The following SMYD1 variants were observed in gnomAD, a reference collection of about 807,000 sequenced individuals.
The protein encoded by SMYD1 is SET and MYND domain containing 1, also known as histone-lysine N-methyltransferase SMYD1.
Under a neutral mutation model 54.0 loss-of-function variants are expected in SMYD1, and 49 were observed. The ratio of observed to expected loss-of-function variants is 0.91; its 90% confidence interval spans 0.72 to 1.15. The LOEUF is 1.15. SMYD1 is among the 50% of genes most tolerant of loss of function. The pLI is 0.00. For synonymous variants in SMYD1, 269 were observed against 234.2 expected (o/e 1.15, Z -1.36); for missense variants, 653 against 639.6 (o/e 1.02, Z -0.23).
chr2:88,103,784 G>A (rs923310929), intron 7 of SMYD1, among the ~76,000 whole-genome samples: 2 of 151,998 alleles, frequency 1.3e-5, no homozygotes, highest in Non-Finnish European at 2.9e-5. Context: ...ATTAACCTGG[G>A]CAGCTTATTG....
chr2:88,107,519 C>T (rs892627266), intron 8 of SMYD1, among the ~76,000 whole-genome samples: 1 of 152,224 alleles, frequency 6.6e-6, no homozygotes, highest in Non-Finnish European at 1.5e-5. Flanking sequence ...CTGTGAGCTT[C>T]CTGTGCTCAA....
At chr2:88,097,148 G>A (rs1674608495) in intron 6 of SMYD1, among the ~76,000 whole-genome samples, 1 of 152,224 alleles carries the variant, frequency 6.6e-6, no homozygotes, top group Non-Finnish European at 1.5e-5. Flanking sequence ...TTTATGAGTT[G>A]AGTGATGTTG....
intron 2 of SMYD1, among the ~76,000 whole-genome samples, chr2:88,087,545 C>T (rs1299077283): frequency 1.3e-5 from 2 of 152,170 alleles, no homozygotes; most frequent in Admixed American, 1.3e-4. Flanking sequence ...CCAGCTCCTC[C>T]ACCCCTTCCA....
chr2:88,079,967 A>G (rs1044232398), intron 1 of SMYD1, among the ~76,000 whole-genome samples: 1 of 152,236 alleles, frequency 6.6e-6, no homozygotes, highest in African/African-American at 2.4e-5. Context: ...TCTTGGGTAA[A>G]CCTCATTTTA....
At chr2:88,091,318 G>A (rs748240546) in intron 4 of SMYD1, among the ~76,000 whole-genome samples, 176 bp downstream of exon 4, 1 of 152,198 alleles carries the variant, frequency 6.6e-6, no homozygotes, top group Non-Finnish European at 1.5e-5. Flanking sequence ...AGGCATCATG[G>A]AGGATATCAA....
In SMYD1 at chr2:88,099,533, G is replaced by A. The variant is rs549273865; in HGVS notation, c.888+2749G>A. Among the ~76,000 whole-genome samples, 15 of 152,092 alleles carry A rather than the reference G, an allele frequency of 9.9e-5. No individual in the cohort carries two copies. The East Asian group carries it at 1.8e-3, about 18-fold the overall frequency. On this transcript the variant is annotated intron_variant, in intron 6 of 9. Coordinates refer to ENST00000419482, the MANE Select transcript of SMYD1 (RefSeq NM_198274.4). ...AGGTCAGGAGTTCGATACCAGCCTG[G>A]ACAATATGGTGAAACCCCATCTCTA... is the stretch of plus-strand genomic sequence containing the variant.
rs753740540 is a variant in SMYD1 at position 88,087,974 on chromosome 2, G to A, written c.427G>A (p.Glu143Lys). The A allele has an allele frequency of 1.2e-6, 2 of 1,614,182 alleles. No individual in the cohort carries two copies. Among genetic ancestry groups the A allele is most frequent in the South Asian group, 1.1e-5 (1 of 91,072 alleles). The change falls in exon 3 of 10, where the codon GAG becomes AAG. Residue 143 changes from glutamate to lysine, a missense_variant. Physicochemically the swap from Glu to Lys is moderately conservative, Grantham distance 56. Transcript: ENST00000419482. The part of the protein sequence containing the change: ...QNHVEHFGEE[E>K]QKDLRVDVDT... Reference sequence around the variant, plus strand: ...CCACGTGGAGCACTTTGGGGAGGAGGAGCAGAAGGACCTGCGGGTGGACGT... The same window carrying A: ...CCACGTGGAGCACTTTGGGGAGGAGAAGCAGAAGGACCTGCGGGTGGACGT...
At chr2:88,084,069 C>T (rs1674261157) in intron 1 of SMYD1, among the ~76,000 whole-genome samples, 1 of 151,918 alleles carries the variant, frequency 6.6e-6, no homozygotes, top group East Asian at 1.9e-4. Context: ...GAGATCGTGC[C>T]ATTGCACTTT....
At chr2:88,092,180 C>A (rs1030019580) in intron 4 of SMYD1, among the ~76,000 whole-genome samples, 2 of 152,130 alleles carry the variant, frequency 1.3e-5, no homozygotes, top group Non-Finnish European at 2.9e-5. Flanking sequence ...CTACCATTGG[C>A]CAAACCCCAA....
At chr2:88,089,583 C>CTCTTTTTTTTTTTTTTTTT (rs1481581789) in intron 3 of SMYD1, among the ~76,000 whole-genome samples, 3 of 114,992 alleles carry the variant, frequency 2.6e-5, no homozygotes, top group African/African-American at 3.7e-5. Context: ...GAGCTTCTAC[C>CTCTTTTTTTTTTTTTTTTT]TGTTTTTTTT....
At position 88,079,690 on chromosome 2, in the gene SMYD1, G is replaced by A. The variant is rs377048000; in HGVS notation, c.138-4626G>A. The stretch of plus-strand genomic sequence containing the variant: ...ACAAAAATTAGCCAGGTGTGGTGGC[G>A]GGTGCCTGTAATCCCAGCTACTCGG... On this transcript the variant is annotated intron_variant, in intron 1 of 9. Transcript: ENST00000419482. 2.1e-3 allele frequency among the ~76,000 whole-genome samples: 323 copies of A among 152,236 alleles called. 2 individuals carry two copies. Among genetic ancestry groups the A allele is most frequent in the African/African-American group, 7.4e-3 (306 of 41,542 alleles).
At chr2:88,107,834 T>C (rs1043579850) in intron 8 of SMYD1, among the ~76,000 whole-genome samples, 6 of 152,196 alleles carry the variant, frequency 3.9e-5, no homozygotes, top group African/African-American at 1.4e-4. Flanking sequence ...TTCCAGGTGC[T>C]GTCTGTCACC....
chr2:88,110,251 G>A, intron 9 of SMYD1, 103 bp from the exon 10 acceptor site: 1 of 1,190,930 alleles, frequency 8.4e-7, no homozygotes, highest in Non-Finnish European at 1.2e-6. Flanking sequence ...AGGGGGTAGA[G>A]TTGAATCTCC....
chr2:88,086,923 C>T (rs538274314), intron 2 of SMYD1, among the ~76,000 whole-genome samples: 8 of 149,164 alleles, frequency 5.4e-5, no homozygotes, highest in African/African-American at 1.5e-4. Context: ...CATGCTGGTG[C>T]GCTGCACCCA....
At chr2:88,077,914 G>A (rs1287415390) in intron 1 of SMYD1, among the ~76,000 whole-genome samples, 1 of 151,966 alleles carries the variant, frequency 6.6e-6, no homozygotes, top group Admixed American at 6.6e-5. Flanking sequence ...TAGTAGAGAC[G>A]GGGTTTCACT....
chr2:88,112,091 C>T lies in SMYD1; in HGVS notation c.*1579C>T. Reference sequence around the variant, plus strand: ...ACTTAGGTCTTGTTTGAAGAATTTCCTTTCTGGAAGGTTTTACAAGAAGAC... The same window carrying T: ...ACTTAGGTCTTGTTTGAAGAATTTCTTTTCTGGAAGGTTTTACAAGAAGAC... On this transcript the variant is annotated 3_prime_UTR_variant, in exon 10 of 10. Transcript: ENST00000419482. 1 of 703,278 alleles carries T rather than the reference C, an allele frequency of 1.4e-6. No individual in the cohort carries two copies. The highest frequency in any genetic ancestry group is 1.5e-5 in the South Asian group (1 of 67,606). The allele number at this position is 703,278 out of a possible 1,614,324, so 43.6% of individuals were successfully genotyped here.
chr2:88,110,287 G>T, intron 9 of SMYD1, 67 bp from the exon 10 acceptor site: 3 of 1,500,900 alleles, frequency 2.0e-6, no homozygotes, highest in Non-Finnish European at 2.7e-6. Context: ...TTACCCCAAG[G>T]TATATCAGAG....
intron 1 of SMYD1, among the ~76,000 whole-genome samples, chr2:88,072,124 C>A (rs956075471): frequency 4.0e-5 from 6 of 151,816 alleles, no homozygotes; most frequent in African/African-American, 1.2e-4. Context: ...GGGTGGGGGT[C>A]CTGGAAGAAA....
chr2:88,094,071 T>A (rs1001433706), intron 5 of SMYD1, among the ~76,000 whole-genome samples: 34 of 149,060 alleles, frequency 2.3e-4, no homozygotes, highest in Non-Finnish European at 3.8e-4. Flanking sequence ...TTACTTTTCT[T>A]AATGACAACC....
Sources: allele counts gnomAD v4.1 joint callset (sites outside exome capture counted in the v4.1 genomes callset), GRCh38; gene constraint gnomAD v4.1.1; transcripts MANE v1.5; gene names NCBI Gene and HGNC (gene_info 2026-07-23, HGNC 2026-07-21).